The following MBNL3 variants were observed in gnomAD, a reference collection of about 807,000 sequenced individuals.
The protein encoded by MBNL3 is muscleblind like splicing regulator 3, also known as muscleblind-like protein 3.
Under a neutral mutation model 24.5 loss-of-function variants are expected in MBNL3, and 6 were observed. The observed-to-expected ratio is 0.25, with a 90% CI of 0.13 to 0.48. The LOEUF (loss-of-function observed/expected upper bound fraction) is 0.48. MBNL3 is among the 20% of genes least tolerant of loss of function. The pLI is 0.99. For missense variants in MBNL3, 230 were observed against 293.5 expected, an observed-to-expected ratio of 0.78 and a Z score of 1.58; for synonymous variants, 100 against 101.7, an observed-to-expected ratio of 0.98 and a Z score of 0.10.
intron 3 of MBNL3, among the ~76,000 whole-genome samples, chrX:132,403,366 C>G (rs764600517): frequency 4.1e-4 from 46 of 111,466 alleles, no homozygotes; most frequent in African/African-American, 1.5e-3. Context: ...TAACAGCTAT[C>G]ATTAAATAAT....
Position 132,401,536 on chromosome X carries a change from AC to A in MBNL3, c.342+4691del, listed in dbSNP as rs759703017. ...TGGGGCAGGATGATGACTTGACCCC[AC>A]AAGTCTGCAGCTACATTGAGCTATG... On this transcript the variant is annotated intron_variant, in intron 3 of 8. Coordinates refer to ENST00000370853, the MANE Select transcript of MBNL3 (RefSeq NM_001386889.1). Among the ~76,000 whole-genome samples the A allele has an allele frequency of 3.5e-3, 381 of 108,740 alleles. 1 individual carries two copies. The highest frequency in any genetic ancestry group is 0.012 in the African/African-American group (366 of 29,851). 94.4% of individuals were successfully genotyped at this position (108,740 alleles called of 115,157 possible).
At chrX:132,384,322 T>C (rs1200304024) in intron 7 of MBNL3, among the ~76,000 whole-genome samples, 1 of 112,633 alleles carries the variant, frequency 8.9e-6, no homozygotes, top group Non-Finnish European at 1.9e-5. Flanking sequence ...TATTTTACAA[T>C]TTTTAAATAA....
In MBNL3 at chrX:132,372,032, AAAAAT is replaced by A. The variant is rs1933658347; in HGVS notation, c.*7629_*7633del. ...GTTTATGCATTTTATTAGAAGAACA[AAAAAT>A]AAACATAGAAGTAGCATACTAAAAT... On this transcript the variant is annotated 3_prime_UTR_variant, in exon 9 of 9. Coordinates refer to ENST00000370853, the MANE Select transcript of MBNL3 (RefSeq NM_001386889.1). The A allele has an allele frequency of 9.0e-6, 1 of 111,330 alleles. No individual in the cohort carries two copies. The highest frequency in any genetic ancestry group is 1.9e-5 in the Non-Finnish European group (1 of 52,859). 9.2% of individuals were successfully genotyped at this position (111,330 alleles called of 1,213,427 possible). A position where few individuals can be genotyped will look rare whatever the true frequency, so the allele number is the denominator to read the frequency against.
Position 132,377,426 on chromosome X carries a change from A to G in MBNL3, c.*2240T>C, listed in dbSNP as rs763455142. 4.5e-5 allele frequency: 5 copies of G among 112,026 alleles called. No individual in the cohort carries two copies. Among genetic ancestry groups the G allele is most frequent in the Non-Finnish European group, 7.5e-5 (4 of 53,079 alleles). 9.2% of individuals were successfully genotyped at this position (112,026 alleles called of 1,213,427 possible). A position where few individuals can be genotyped will look rare whatever the true frequency, so the allele number is the denominator to read the frequency against. ...ATTGTCAACAGCTGACAATGACTCA[A>G]TACAAGCAAGGCTGTTTAGAAAGCA... On this transcript the variant is annotated 3_prime_UTR_variant, in exon 9 of 9. Transcript: ENST00000370853.
intron 2 of MBNL3, among the ~76,000 whole-genome samples, chrX:132,423,445 A>T (rs769354809): frequency 9.4e-4 from 105 of 111,450 alleles, no homozygotes; most frequent in Non-Finnish European, 1.8e-3. Context: ...TCACCCCTAA[A>T]AAAAACATAC....
chrX:132,456,122 G>A (rs770848925), intron 1 of MBNL3, among the ~76,000 whole-genome samples: 3 of 112,069 alleles, frequency 2.7e-5, no homozygotes, highest in African/African-American at 6.5e-5. Context: ...GCCAAAACTC[G>A]TGAGATCTGG....
chrX:132,434,378 A>G (rs1397480572), intron 2 of MBNL3, among the ~76,000 whole-genome samples: 1 of 112,291 alleles, frequency 8.9e-6, no homozygotes, highest in Non-Finnish European at 1.9e-5. Context: ...ACACTTGTTC[A>G]CTTTTTAACA....
chrX:132,416,821 T>G (rs1943343136), intron 2 of MBNL3, among the ~76,000 whole-genome samples: 1 of 112,068 alleles, frequency 8.9e-6, no homozygotes. Flanking sequence ...AAATGTATCG[T>G]GTATTTAAGT....
At chrX:132,454,240 C>G (rs1441057920) in intron 1 of MBNL3, among the ~76,000 whole-genome samples, 1 of 109,106 alleles carries the variant, frequency 9.2e-6, no homozygotes, top group Non-Finnish European at 1.9e-5. Context: ...CACACACACA[C>G]ACACACATAC....
intron 1 of MBNL3, among the ~76,000 whole-genome samples, chrX:132,457,090 T>G (rs745830829): frequency 1.3e-4 from 15 of 111,915 alleles, no homozygotes; most frequent in Non-Finnish European, 2.6e-4. Context: ...ACTAGGAAGC[T>G]ATAATACTAC....
chrX:132,443,964 C>CA (rs1416695148), intron 1 of MBNL3, among the ~76,000 whole-genome samples: 1 of 80,218 alleles, frequency 1.2e-5, no homozygotes, highest in African/African-American at 5.0e-5. Flanking sequence ...GGTTCAAACT[C>CA]AAGCAGCCTG....
chrX:132,401,454 T>TA, intron 3 of MBNL3, among the ~76,000 whole-genome samples: 1 of 108,920 alleles, frequency 9.2e-6, no homozygotes, highest in South Asian at 4.0e-4. Context: ...AAAAAATTTT[T>TA]AAAAAACATT....
intron 1 of MBNL3, among the ~76,000 whole-genome samples, chrX:132,465,058 A>G (rs1044248240): frequency 1.8e-5 from 2 of 111,481 alleles, no homozygotes; most frequent in African/African-American, 6.5e-5. Flanking sequence ...GTAAATAAAT[A>G]AATAATAAAA....
chrX:132,426,562 A>G (rs1271185560), intron 2 of MBNL3, among the ~76,000 whole-genome samples: 1 of 111,005 alleles, frequency 9.0e-6, no homozygotes, highest in Non-Finnish European at 1.9e-5. Context: ...AACTCCCCAA[A>G]CATATCACAG....
At chrX:132,478,365 T>C (rs969202262) in intron 1 of MBNL3, among the ~76,000 whole-genome samples, 1 of 111,996 alleles carries the variant, frequency 8.9e-6, no homozygotes, top group African/African-American at 3.2e-5. Context: ...AGCACATCTA[T>C]AGCAATATCT....
chrX:132,413,371 A>C (rs978117378), intron 2 of MBNL3: 1 of 623,544 alleles, frequency 1.6e-6, no homozygotes, highest in East Asian at 3.7e-5. Context: ...TTTTAGTATA[A>C]GTATGCCCCA....
rs1033905360 is a variant in MBNL3 at position 132,370,481 on chromosome X, T to C, written c.*9185A>G. ...GCATTGCTTATAGGAATTCCATCTC[T>C]GCACCTAAACACTGAGATTCAATGC... On this transcript the variant is annotated 3_prime_UTR_variant, in exon 9 of 9. Coordinates refer to ENST00000370853, the MANE Select transcript of MBNL3 (RefSeq NM_001386889.1). The C allele has an allele frequency of 2.8e-4, 31 of 112,214 alleles. No homozygotes were observed. The highest frequency in any genetic ancestry group is 8.7e-4 in the African/African-American group (27 of 30,881). The allele number at this position is 112,214 out of a possible 1,213,427, so 9.2% of individuals were successfully genotyped here.
chrX:132,390,426 A>G (rs1278987997), intron 5 of MBNL3, among the ~76,000 whole-genome samples: 1 of 110,471 alleles, frequency 9.1e-6, no homozygotes, highest in Non-Finnish European at 1.9e-5. Flanking sequence ...TTAATACCCT[A>G]TCTTTTAAGT....
chrX:132,428,431 C>A (rs1346852137), intron 2 of MBNL3, among the ~76,000 whole-genome samples: 2 of 108,709 alleles, frequency 1.8e-5, no homozygotes, highest in African/African-American at 6.7e-5. Context: ...TAAAACTTGA[C>A]CCTGGGGTGA....
Sources: allele counts gnomAD v4.1 joint callset (sites outside exome capture counted in the v4.1 genomes callset), GRCh38; gene constraint gnomAD v4.1.1; transcripts MANE v1.5; gene names NCBI Gene and HGNC (gene_info 2026-07-23, HGNC 2026-07-21).